Variants in MLLT6 observed in about 807,000 individuals in gnomAD.
The protein encoded by MLLT6 is MLLT6, PHD finger containing, also known as protein AF-17.
Under a neutral mutation model 103.0 loss-of-function variants are expected in MLLT6, and 22 were observed. That is an observed-to-expected ratio of 0.21 (90% CI 0.15 to 0.31). The LOEUF is 0.31. Among genes scored for constraint, MLLT6 ranks in the 10% least tolerant of loss-of-function variants. The pLI, the probability that MLLT6 is intolerant of heterozygous loss-of-function variation, is 1.00. For missense variants in MLLT6, 1,199 were observed against 1,441.7 expected, an observed-to-expected ratio of 0.83 and a Z score of 2.73; for synonymous variants, 606 against 623.5, an observed-to-expected ratio of 0.97 and a Z score of 0.42.
chr17:38,716,265 C>A lies in MLLT6; in HGVS notation c.1037-102C>A. On this transcript the variant is annotated intron_variant, in intron 9 of 19. Coordinates refer to ENST00000621332, the MANE Select transcript of MLLT6 (RefSeq NM_005937.4). This position sits in a 1 kb window ranked among gnomAD's most constrained non-coding sequence, Gnocchi z 5.6. ...AGAGCTGAGACAGGAAACCAGGCAT[C>A]CCCATTCGTGGACCAGAGCTCTCTC... 1 of 1,245,018 alleles carries A rather than the reference C, an allele frequency of 8.0e-7. No individual in the cohort carries two copies. Among genetic ancestry groups the A allele is most frequent in the Non-Finnish European group, 1.1e-6 (1 of 887,858 alleles). 77.1% of individuals were successfully genotyped at this position (1,245,018 alleles called of 1,614,324 possible). A position where few individuals can be genotyped will look rare whatever the true frequency, so the allele number is the denominator to read the frequency against.
chr17:38,712,050 C>G lies in MLLT6; in HGVS notation c.720+36C>G, dbSNP rs140894414. ...TCCCCCACCTGCCATCACTCCCACA[C>G]GGGGACTTGGAGACTCACAAACATG... is the stretch of plus-strand genomic sequence containing the variant. On this transcript the variant is annotated intron_variant, in intron 7 of 19. Coordinates refer to ENST00000621332, the MANE Select transcript of MLLT6 (RefSeq NM_005937.4). 3.3e-6 allele frequency: 5 copies of G among 1,511,346 alleles called. No homozygotes were observed. The East Asian group carries it at 1.2e-4, about 36-fold the overall frequency. The allele number at this position is 1,511,346 out of a possible 1,614,324, so 93.6% of individuals were successfully genotyped here.
chr17:38,725,499 T>C, intron 19 of MLLT6, 58 bp from the exon 20 acceptor site: 1 of 1,514,428 alleles, frequency 6.6e-7, no homozygotes, highest in Non-Finnish European at 9.1e-7. Flanking sequence ...GCTGTTCTTA[T>C]CTGGGGGTTA....
chr17:38,723,822 A>T (rs1018345202), intron 18 of MLLT6, among the ~76,000 whole-genome samples: 3 of 150,220 alleles, frequency 2.0e-5, no homozygotes, highest in African/African-American at 4.9e-5. Flanking sequence ...GGCTCACTGC[A>T]ACCTCCGCCT....
chr17:38,727,631 C>T lies in MLLT6; in HGVS notation c.*2033C>T, dbSNP rs900526959. On this transcript the variant is annotated 3_prime_UTR_variant, in exon 20 of 20. Transcript: ENST00000621332. ...CAGCCTGGCCAACATGGTGAAACCC[C>T]GTCTCTATCAAAAATTAGCCGGGCA... 3 of 189,822 alleles carry T rather than the reference C, an allele frequency of 1.6e-5. No individual in the cohort carries two copies. The highest frequency in any genetic ancestry group is 7.0e-5 in the African/African-American group (3 of 42,808). 11.8% of individuals were successfully genotyped at this position (189,822 alleles called of 1,614,324 possible). A position where few individuals can be genotyped will look rare whatever the true frequency, so the allele number is the denominator to read the frequency against.
chr17:38,720,664 A>G lies in MLLT6; in HGVS notation c.2359A>G (p.Ser787Gly). 7 of 1,613,760 alleles carry G rather than the reference A, an allele frequency of 4.3e-6. No individual in the cohort carries two copies. The highest frequency in any genetic ancestry group is 5.9e-6 in the Non-Finnish European group (7 of 1,180,028). ...CTGTGACATCCCTCCCACAGCCGGCAGCAGCGACTCCTTGAGCACCAGCAA... is the reference window on the plus strand; with the variant it reads ...CTGTGACATCCCTCCCACAGCCGGCGGCAGCGACTCCTTGAGCACCAGCAA... ...GPYGLPPQAG[S>G]SDSLSTSKSP... The change falls in exon 16 of 20, where the codon AGC (serine) becomes GGC (glycine). Residue 787 changes from serine (S) to glycine (G), a missense_variant. This residue lies in a region of MLLT6 where 1,034 missense variants were observed against 1,091.5 expected (regional missense o/e 0.95). Coordinates refer to ENST00000621332, the MANE Select transcript of MLLT6 (RefSeq NM_005937.4).
chr17:38,719,435 C>T, intron 12 of MLLT6, 82 bp from the exon 13 acceptor site: 1 of 1,227,768 alleles, frequency 8.1e-7, no homozygotes, highest in South Asian at 1.3e-5. Context: ...GGTGAGGTCC[C>T]AATCCCATAT....
At chr17:38,713,219 T>C in intron 8 of MLLT6, 1 of 551,858 alleles carries the variant, frequency 1.8e-6, no homozygotes, top group South Asian at 2.9e-5. Flanking sequence ...TTGGAGGGGC[T>C]GAAAGTTCTG....
In MLLT6 at chr17:38,705,622, C is replaced by T. The variant is rs1904869652; in HGVS notation, c.-11C>T. 9 of 1,482,080 alleles carry T rather than the reference C, an allele frequency of 6.1e-6. No homozygotes were observed. Among genetic ancestry groups the T allele is most frequent in the Non-Finnish European group, 8.2e-6 (9 of 1,097,666 alleles). The allele number at this position is 1,482,080 out of a possible 1,614,324, so 91.8% of individuals were successfully genotyped here. ...CCCCCCGCCCCAGCCCCGGAGGGAGCTCATGGGAGTATGAAGGAGATGGTA... is the reference window on the plus strand; with the variant it reads ...CCCCCCGCCCCAGCCCCGGAGGGAGTTCATGGGAGTATGAAGGAGATGGTA... On this transcript the variant is annotated 5_prime_UTR_variant, in exon 1 of 20. Coordinates refer to ENST00000621332, the MANE Select transcript of MLLT6 (RefSeq NM_005937.4).
intron 8 of MLLT6, chr17:38,713,099 C>T (rs1260531878): frequency 2.7e-5 from 20 of 740,734 alleles, no homozygotes; most frequent in South Asian, 5.6e-5. Context: ...CAGGCCTGCT[C>T]TCCAAGTTCT....
chr17:38,719,457 C>A, intron 12 of MLLT6, 60 bp from the exon 13 acceptor site: 1 of 1,414,346 alleles, frequency 7.1e-7, no homozygotes, highest in Non-Finnish European at 9.8e-7. Flanking sequence ...CATCTGGGGG[C>A]GGGGACCCTG....
Position 38,725,733 on chromosome 17 carries a change from T to C in MLLT6, c.*135T>C, listed in dbSNP as rs1905990767. On this transcript the variant is annotated 3_prime_UTR_variant, in exon 20 of 20. Coordinates refer to ENST00000621332, the MANE Select transcript of MLLT6 (RefSeq NM_005937.4). ...AGAGCCTGTGCTGAGGTCCAGGGAG[T>C]GTGGAGAGCTCCTGGTGTCGAGGAC... 4.2e-6 allele frequency: 3 copies of C among 715,864 alleles called. No homozygotes were observed. The highest frequency in any genetic ancestry group is 6.8e-6 in the Non-Finnish European group (3 of 443,048). 44.3% of individuals were successfully genotyped at this position (715,864 alleles called of 1,614,324 possible). A position where few individuals can be genotyped will look rare whatever the true frequency, so the allele number is the denominator to read the frequency against.
intron 1 of MLLT6, chr17:38,706,326 C>G (rs949674460): frequency 6.6e-6 from 1 of 152,242 alleles, no homozygotes; most frequent in African/African-American, 2.4e-5. Flanking sequence ...CTTGAGGAAT[C>G]TTGCCGAGGG....
intron 1 of MLLT6, 183 bp from the exon 2 acceptor site, chr17:38,706,767 G>A (rs1051645200): frequency 1.1e-5 from 5 of 474,750 alleles, no homozygotes; most frequent in Admixed American, 7.2e-5. Context: ...TAATTGTGTG[G>A]TTGAAGGCTG....
chr17:38,710,540 G>A (rs372084962), intron 6 of MLLT6, among the ~76,000 whole-genome samples: 1 of 152,132 alleles, frequency 6.6e-6, no homozygotes, highest in African/African-American at 2.4e-5. Flanking sequence ...GGGATGGAGG[G>A]GTGAGGCTGG....
At position 38,711,858 on chromosome 17, in the gene MLLT6, G is replaced by A. The variant is rs750511010; in HGVS notation, c.564G>A (p.Arg188=). The change falls in exon 7 of 20, where the codon CGG becomes CGA. Residue 188 remains arginine (R), a synonymous_variant. Coordinates refer to ENST00000621332, the MANE Select transcript of MLLT6 (RefSeq NM_005937.4). ...AATCTCTCCCGCAGAAGACATCCCGGCACAGCAGCGGGGGAGGCGGAGGAG... is the reference window on the plus strand; with the variant it reads ...AATCTCTCCCGCAGAAGACATCCCGACACAGCAGCGGGGGAGGCGGAGGAG... ...KYHFSKMKTS[R]HSSGGGGGGA... is the part of the protein sequence containing the mutation. 2.5e-6 allele frequency: 4 copies of A among 1,572,178 alleles called. No homozygotes were observed. Among genetic ancestry groups the A allele is most frequent in the South Asian group, 2.4e-5 (2 of 84,950 alleles).
In MLLT6 at chr17:38,728,909, G is replaced by A. The variant is rs559890107; in HGVS notation, c.*3311G>A. The A allele has an allele frequency of 7.7e-5, 18 of 233,778 alleles. 1 individual carries two copies. The South Asian group carries it at 3.1e-3, about 40-fold the overall frequency. The allele number at this position is 233,778 out of a possible 1,614,324, so 14.5% of individuals were successfully genotyped here. ...GACACTTTAAGGATTGTCTTGGTTT[G>A]TTTTTCCTATTTGTGGGGTATTTTC... On this transcript the variant is annotated 3_prime_UTR_variant, in exon 20 of 20. Transcript: ENST00000621332.
intron 18 of MLLT6, among the ~76,000 whole-genome samples, chr17:38,723,741 A>G (rs1905878277): frequency 6.7e-6 from 1 of 148,780 alleles, no homozygotes; most frequent in Non-Finnish European, 1.5e-5. Flanking sequence ...GGAATTGAAA[A>G]CTTTTTTTTT....
Position 38,725,750 on chromosome 17 carries a change from G to A in MLLT6, c.*152G>A, listed in dbSNP as rs1333763429. On this transcript the variant is annotated 3_prime_UTR_variant, in exon 20 of 20. Coordinates refer to ENST00000621332, the MANE Select transcript of MLLT6 (RefSeq NM_005937.4). ...CCAGGGAGTGTGGAGAGCTCCTGGT[G>A]TCGAGGACTGAGACTGAGAGGGGAG... is the stretch of plus-strand genomic sequence containing the variant. 2 of 634,100 alleles carry A rather than the reference G, an allele frequency of 3.2e-6. No homozygotes were observed. Among genetic ancestry groups the A allele is most frequent in the Non-Finnish European group, 5.3e-6 (2 of 377,300 alleles). 39.3% of individuals were successfully genotyped at this position (634,100 alleles called of 1,614,324 possible). A position where few individuals can be genotyped will look rare whatever the true frequency, so the allele number is the denominator to read the frequency against.
chr17:38,719,939 T>TA (rs1251097763), intron 14 of MLLT6, 44 bp downstream of exon 14: 1 of 1,518,368 alleles, frequency 6.6e-7, no homozygotes, highest in Non-Finnish European at 8.8e-7. Context: ...CCTAGGGCCC[T>TA]AACAGTCACC....
Sources: gnomAD v4.1 joint callset for allele counts (sites outside exome capture counted in the v4.1 genomes callset) on GRCh38, gnomAD v4.1.1 for gene constraint, gnomAD v4.1.1 regional missense constraint, Gnocchi (gnomAD v3.1) non-coding constraint, MANE v1.5 for transcripts, NCBI Gene and HGNC (gene_info 2026-07-23, HGNC 2026-07-21) for gene names.